Variants in DCAF5 observed in about 807,000 individuals in gnomAD.
DCAF5 encodes the protein DDB1 and CUL4 associated factor 5.
DCAF5 carries 9 observed loss-of-function variants against 80.7 expected under a neutral mutation model. The ratio of observed to expected loss-of-function variants is 0.11; its 90% CI spans 0.07 to 0.19. The LOEUF is 0.19. Ranked by LOEUF, DCAF5 falls within the 10% of genes least tolerant of loss-of-function variation. The pLI, the probability that DCAF5 is intolerant of heterozygous loss-of-function variation, is 1.00. For missense variants in DCAF5, 842 were observed against 1,205.7 expected (o/e 0.70, Z 4.47); for synonymous variants, 433 against 461.9 (o/e 0.94, Z 0.80).
intron 7 of DCAF5, among the ~76,000 whole-genome samples, chr14:69,074,211 C>A (rs1483275341): frequency 6.6e-6 from 1 of 152,194 alleles, no homozygotes; most frequent in Admixed American, 6.5e-5. Flanking sequence ...ATATACTTGG[C>A]ATAGTCCTCT....
chr14:69,105,459 T>A (rs1292014013), intron 5 of DCAF5, among the ~76,000 whole-genome samples: 1 of 152,160 alleles, frequency 6.6e-6, no homozygotes, highest in Non-Finnish European at 1.5e-5. Flanking sequence ...CATGCCTACA[T>A]GGCTGCTGAA....
At position 69,120,066 on chromosome 14, in the gene DCAF5, T is replaced by G. The variant is rs947834376; in HGVS notation, c.359-836A>C. ...TCTTTCTTTTGAGACAGGATCTTGCTCTGTTTGTCTTTTAAAAATTTTTCT... is the reference window on the plus strand; with the variant it reads ...TCTTTCTTTTGAGACAGGATCTTGCGCTGTTTGTCTTTTAAAAATTTTTCT... On this transcript the variant is annotated intron_variant, in intron 2 of 8. Transcript: ENST00000341516. Among the ~76,000 whole-genome samples the G allele has an allele frequency of 6.0e-4, 91 of 152,260 alleles. 1 individual carries two copies. Among genetic ancestry groups the G allele is most frequent in the Admixed American group, 5.9e-4 (9 of 15,266 alleles).
At chr14:69,090,884 T>C in intron 6 of DCAF5, 4 of 557,414 alleles carry the variant, frequency 7.2e-6, no homozygotes, top group Non-Finnish European at 1.3e-5. Flanking sequence ...AGATTTGTTG[T>C]GCTTGAGAAT....
chr14:69,067,104 C>T (rs1467589408), intron 7 of DCAF5, among the ~76,000 whole-genome samples: 1 of 152,170 alleles, frequency 6.6e-6, no homozygotes, highest in East Asian at 1.9e-4. Flanking sequence ...ATTGTTTCCC[C>T]TGCTAGAACA....
chr14:69,121,040 A>G (rs572924757), intron 2 of DCAF5, among the ~76,000 whole-genome samples: 7 of 152,356 alleles, frequency 4.6e-5, no homozygotes, highest in Admixed American at 1.3e-4. Flanking sequence ...TTAAGGTGGA[A>G]GAACACCATG....
rs746273471 is a variant in DCAF5, at chr14:69,055,280, G to A, written c.1406C>T (p.Pro469Leu). The A allele has an allele frequency of 6.8e-6, 11 of 1,614,056 alleles. No homozygotes were observed. The highest frequency in any genetic ancestry group is 1.7e-5 in the Admixed American group (1 of 60,010). The stretch of plus-strand genomic sequence containing the variant: ...GGCAGACTCATCTACTGTGGGAGGC[G>A]GGGAGCGAGGCAATGAGGCCGAAGA... ...SESSASLPRS[P>L]PPTVDESADN... Residue 469 changes from proline to leucine, a missense_variant, in exon 9 of 9, where the codon CCG (proline) becomes CTG (leucine). Transcript: ENST00000341516. The surrounding 1 kb of genome is among the most constrained non-coding windows in gnomAD (Gnocchi z 5.6).
chr14:69,098,186 T>C (rs920451575), intron 5 of DCAF5, among the ~76,000 whole-genome samples: 2 of 152,174 alleles, frequency 1.3e-5, no homozygotes, highest in South Asian at 4.1e-4. Flanking sequence ...GCCTCTTCAC[T>C]GCTCCTAGAA....
intron 7 of DCAF5, among the ~76,000 whole-genome samples, chr14:69,072,822 G>A (rs1385999467): frequency 1.3e-5 from 2 of 152,180 alleles, no homozygotes; most frequent in African/African-American, 4.8e-5. Flanking sequence ...ATGCTGAAGA[G>A]TGATACAGAG....
At chr14:69,124,362 C>T (rs190207495) in intron 1 of DCAF5, among the ~76,000 whole-genome samples, 137 of 152,218 alleles carry the variant, frequency 9.0e-4, no homozygotes, top group Non-Finnish European at 5.9e-5. Flanking sequence ...TACTTTCTAC[C>T]TTCCTATACT....
intron 5 of DCAF5, among the ~76,000 whole-genome samples, chr14:69,109,217 G>A (rs563267470): frequency 4.0e-5 from 6 of 151,726 alleles, no homozygotes; most frequent in Non-Finnish European, 7.4e-5. Flanking sequence ...GGTGGCGGGC[G>A]CCTGTAGTCC....
chr14:69,067,787 C>T (rs1345893204), intron 7 of DCAF5, among the ~76,000 whole-genome samples: 1 of 151,998 alleles, frequency 6.6e-6, no homozygotes, highest in African/African-American at 2.4e-5. Context: ...CTGGCACGCA[C>T]CACCAAGCCC....
intron 6 of DCAF5, 80 bp from the exon 7 acceptor site, chr14:69,075,491 A>T (rs912589707): frequency 1.1e-6 from 1 of 890,510 alleles, no homozygotes; most frequent in Non-Finnish European, 1.5e-6. Context: ...AAACATATTA[A>T]TTTTTTTTGA....
chr14:69,063,265 G>C (rs1355309303), intron 7 of DCAF5, among the ~76,000 whole-genome samples: 1 of 152,200 alleles, frequency 6.6e-6, no homozygotes, highest in Non-Finnish European at 1.5e-5. Context: ...AATGAGAAAA[G>C]TGCCAGAGGC....
intron 5 of DCAF5, among the ~76,000 whole-genome samples, chr14:69,102,003 C>T (rs909611645): frequency 6.6e-6 from 1 of 152,076 alleles, no homozygotes; most frequent in Non-Finnish European, 1.5e-5. Flanking sequence ...TAGGACATTA[C>T]TGTACACTAC....
At chr14:69,151,076 T>C (rs1023585918) in intron 1 of DCAF5, among the ~76,000 whole-genome samples, 4 of 152,088 alleles carry the variant, frequency 2.6e-5, no homozygotes, top group African/African-American at 9.7e-5. Context: ...TATGAATACA[T>C]AAAAAACAAC....
intron 1 of DCAF5, among the ~76,000 whole-genome samples, chr14:69,134,214 G>A (rs1251457696): frequency 1.3e-5 from 2 of 152,136 alleles, no homozygotes; most frequent in African/African-American, 4.8e-5. Context: ...CAAAGCCCCT[G>A]CTCTTCCTAA....
chr14:69,080,513 A>G (rs908268261), intron 6 of DCAF5, among the ~76,000 whole-genome samples: 1 of 152,222 alleles, frequency 6.6e-6, no homozygotes, highest in African/African-American at 2.4e-5. Flanking sequence ...CTTCACCTCA[A>G]GTAGTGAAAT....
chr14:69,102,540 TTC>T (rs2039991460), intron 5 of DCAF5, among the ~76,000 whole-genome samples: 2 of 148,774 alleles, frequency 1.3e-5, no homozygotes, highest in Admixed American at 1.3e-4. Context: ...TATATCCTTA[TTC>T]TTTTTTTTTT....
intron 1 of DCAF5, chr14:69,149,646 A>G (rs1486858362): frequency 6.6e-6 from 1 of 152,260 alleles, no homozygotes; most frequent in Non-Finnish European, 1.5e-5. Context: ...GAGCCTGCCC[A>G]AACAATTATG....
Sources: gnomAD v4.1 joint callset for allele counts (sites outside exome capture counted in the v4.1 genomes callset) on GRCh38, gnomAD v4.1.1 for gene constraint, Gnocchi (gnomAD v3.1) non-coding constraint, MANE v1.5 for transcripts, NCBI Gene and HGNC (gene_info 2026-07-23, HGNC 2026-07-21) for gene names.